AHRR: variants seen among roughly 807,000 people sequenced by gnomAD.
The protein encoded by AHRR is aryl hydrocarbon receptor repressor, also known as ahR repressor.
AHRR carries 28 observed loss-of-function variants against 44.0 expected under a neutral mutation model. The observed-to-expected ratio is 0.64, with a 90% CI of 0.47 to 0.87. The LOEUF (loss-of-function observed/expected upper bound fraction) is 0.87, where lower values mean the gene tolerates loss of function less well. Ranked by LOEUF, AHRR falls within the 40% of genes least tolerant of loss-of-function variation. The probability of loss-of-function intolerance (pLI) is 0.00; values close to 1 mark genes in which losing one functional copy is unlikely to be tolerated. For synonymous variants in AHRR, 434 were observed against 407.0 expected (o/e 1.07, Z -0.80); for missense variants, 990 against 953.9 (o/e 1.04, Z -0.50).
chr5:401,393 C>CA (rs1368054043), intron 4 of AHRR, among the ~76,000 whole-genome samples: 1 of 152,242 alleles, frequency 6.6e-6, no homozygotes, highest in East Asian at 1.9e-4. Context: ...CTGGGTTGCT[C>CA]CCTGTCTGCA....
Position 432,355 on chromosome 5 carries a change from G to C in AHRR, c.909-108G>C, listed in dbSNP as rs191236210. On this transcript the variant is annotated intron_variant, in intron 8 of 10. Coordinates refer to ENST00000684583, the MANE Select transcript of AHRR (RefSeq NM_001377236.1). ...TTGTTTCTGTCTTCACTGCTCAGGTGTGACAGCAATACCTGTCATTATTAA... is the reference window on the plus strand; with the variant it reads ...TTGTTTCTGTCTTCACTGCTCAGGTCTGACAGCAATACCTGTCATTATTAA... 105 of 1,030,796 alleles carry C rather than the reference G, an allele frequency of 1.0e-4. No homozygotes were observed. In the East Asian group the frequency reaches 2.2e-3, roughly 22 times the overall value. 63.9% of individuals were successfully genotyped at this position (1,030,796 alleles called of 1,614,324 possible).
At chr5:346,987 A>G (rs1361501470) in intron 2 of AHRR, among the ~76,000 whole-genome samples, 1 of 152,138 alleles carries the variant, frequency 6.6e-6, no homozygotes, top group African/African-American at 2.4e-5. Flanking sequence ...GAAAACCTAG[A>G]TGTGGAATTG....
rs1734070246 is a variant in AHRR, at chr5:383,712, G to A, written c.351+6996G>A. On this transcript the variant is annotated intron_variant, in intron 4 of 10. Coordinates refer to ENST00000684583, the MANE Select transcript of AHRR (RefSeq NM_001377236.1). The surrounding 1 kb of genome is among the most constrained non-coding windows in gnomAD (Gnocchi z 4.0). ...TGAGTAGCTGGGACTACAAGCATGT[G>A]CCACCATACCCAGCTAATTAAAATT... Among the ~76,000 whole-genome samples the A allele has an allele frequency of 1.3e-5, 2 of 152,048 alleles. No individual in the cohort carries two copies. The highest frequency in any genetic ancestry group is 6.6e-5 in the Admixed American group (1 of 15,252).
chr5:374,080 A>T (rs1743688244), intron 3 of AHRR, among the ~76,000 whole-genome samples: 1 of 151,878 alleles, frequency 6.6e-6, no homozygotes. Flanking sequence ...CCGCTGCGGG[A>T]GCGACCCCTG....
Position 436,550 on chromosome 5 carries a change from A to G in AHRR, c.*1716A>G, listed in dbSNP as rs349583. On this transcript the variant is annotated 3_prime_UTR_variant, in exon 11 of 11. Transcript: ENST00000684583. ...ATAAGGATCTCCTCTCAGTACTGGAAGAGAACAGCCAACCATCTGAGCCCA... is the reference window on the plus strand; with the variant it reads ...ATAAGGATCTCCTCTCAGTACTGGAGGAGAACAGCCAACCATCTGAGCCCA... The G allele has an allele frequency of 0.59, 89,705 of 152,226 alleles. 26,493 individuals carry two copies. The highest frequency in any genetic ancestry group is 0.65 in the South Asian group (3,128 of 4,816). The allele number at this position is 152,226 out of a possible 1,614,324, so 9.4% of individuals were successfully genotyped here. A position where few individuals can be genotyped will look rare whatever the true frequency, so the allele number is the denominator to read the frequency against.
intron 8 of AHRR, among the ~76,000 whole-genome samples, 184 bp downstream of exon 8, chr5:428,190 C>T (rs371173503): frequency 2.6e-5 from 4 of 152,378 alleles, no homozygotes; most frequent in African/African-American, 9.6e-5. Context: ...GTTTTTCAAA[C>T]TCGTATTTGC....
At chr5:323,937 G>A (rs1382616911) in intron 1 of AHRR, among the ~76,000 whole-genome samples, 1 of 151,680 alleles carries the variant, frequency 6.6e-6, no homozygotes, top group Admixed American at 6.6e-5. Context: ...AAGACTTGGC[G>A]GCCCTGAAAC....
chr5:413,506 G>C (rs2261623), intron 5 of AHRR, 73 bp downstream of exon 5: 5 of 1,191,850 alleles, frequency 4.2e-6, no homozygotes, highest in Non-Finnish European at 3.7e-6. Context: ...GTTTGTTGTC[G>C]TCAAGGTTTG....
chr5:427,889 T>A lies in AHRR; in HGVS notation c.791T>A (p.Leu264Gln). 1 of 1,614,150 alleles carries A rather than the reference T, an allele frequency of 6.2e-7. No homozygotes were observed. The highest frequency in any genetic ancestry group is 8.5e-7 in the Non-Finnish European group (1 of 1,180,044). Residue 264 changes from leucine (L) to glutamine (Q), a missense_variant, in exon 8 of 11, where the codon CTG (leucine) becomes CAG (glutamine). Leu to Gln is a moderately radical substitution (Grantham distance 113). Coordinates refer to ENST00000684583, the MANE Select transcript of AHRR (RefSeq NM_001377236.1). ...TCAGGAGCCATGCTCCCGCCGCGGC[T>A]GTCGCTGTTCTGCATTGCGGCACCC... The part of the protein sequence containing the change: ...APSGAMLPPR[L>Q]SLFCIAAPVL...
chr5:399,841 C>T (rs1265867335), intron 4 of AHRR, among the ~76,000 whole-genome samples: 4 of 152,262 alleles, frequency 2.6e-5, no homozygotes, highest in Non-Finnish European at 4.4e-5. Context: ...ATCCGGCCAG[C>T]TGCATTCTCA....
At chr5:359,790 C>G (rs1353874009) in intron 3 of AHRR, among the ~76,000 whole-genome samples, 1 of 152,192 alleles carries the variant, frequency 6.6e-6, no homozygotes, top group Non-Finnish European at 1.5e-5. Flanking sequence ...TTCACCCCAC[C>G]CTAGGTGGGC....
rs1016713815 is a variant in AHRR, at chr5:421,216, T to G, written c.442-1513T>G. ...GGAGGCCCTTGCGGACCCAGCGGCC[T>G]CCTCGTCGGCAACGCCCACCCCGCG... On this transcript the variant is annotated intron_variant, in intron 5 of 10. Coordinates refer to ENST00000684583, the MANE Select transcript of AHRR (RefSeq NM_001377236.1). 8.8e-6 allele frequency: 6 copies of G among 679,368 alleles called. No individual in the cohort carries two copies. In the African/African-American group the frequency reaches 1.1e-4, roughly 13 times the overall value. The allele number at this position is 679,368 out of a possible 1,614,324, so 42.1% of individuals were successfully genotyped here. A position where few individuals can be genotyped will look rare whatever the true frequency, so the allele number is the denominator to read the frequency against.
chr5:354,250 C>T (rs1742964671), intron 3 of AHRR, among the ~76,000 whole-genome samples: 1 of 152,242 alleles, frequency 6.6e-6, no homozygotes, highest in African/African-American at 2.4e-5. Context: ...GCTGTTCCTC[C>T]CCGTGCTGGG....
chr5:349,740 G>A (rs940829942), intron 2 of AHRR, among the ~76,000 whole-genome samples: 14 of 152,274 alleles, frequency 9.2e-5, no homozygotes, highest in African/African-American at 3.1e-4. Context: ...TTTTACAGTA[G>A]TTTAAAGCAC....
At position 437,173 on chromosome 5, in the gene AHRR, A is replaced by C. The variant is rs1737120000; in HGVS notation, c.*2339A>C. 6.6e-6 allele frequency: 1 copy of C among 152,374 alleles called. No homozygotes were observed. Among genetic ancestry groups the C allele is most frequent in the Admixed American group, 6.5e-5 (1 of 15,278 alleles). The allele number at this position is 152,374 out of a possible 1,614,324, so 9.4% of individuals were successfully genotyped here. A position where few individuals can be genotyped will look rare whatever the true frequency, so the allele number is the denominator to read the frequency against. ...AGACCAGCCTGGGCAACACAGGAAG[A>C]ATGTGTCTCTACAAAAAATAATTAA... On this transcript the variant is annotated 3_prime_UTR_variant, in exon 11 of 11. Coordinates refer to ENST00000684583, the MANE Select transcript of AHRR (RefSeq NM_001377236.1).
chr5:376,552 A>ATGAGAACCGGGGGGT, intron 3 of AHRR, 58 bp from the exon 4 acceptor site: 1 of 1,409,242 alleles, frequency 7.1e-7, no homozygotes, highest in Non-Finnish European at 9.6e-7. Flanking sequence ...ATGTGAATGA[A>ATGAGAACCGGGGGGT]GAAGAGTGGC....
chr5:413,406 G>A lies in AHRR; in HGVS notation c.414G>A (p.Thr138=), dbSNP rs188075736. ...GGACGATATTTTATGCATCAGCAAC[G>A]ATCGTGGACTATCTGGGCTTCCATC... ...AEGTIFYASA[T]IVDYLGFHQT... is the part of the protein sequence containing the mutation. Residue 138 remains threonine, a synonymous_variant, in exon 5 of 11, where the codon ACG becomes ACA. Coordinates refer to ENST00000684583, the MANE Select transcript of AHRR (RefSeq NM_001377236.1). 1.3e-3 allele frequency: 2,150 copies of A among 1,613,802 alleles called. 4 individuals carry two copies. The highest frequency in any genetic ancestry group is 1.6e-3 in the Non-Finnish European group (1,913 of 1,179,840).
At chr5:385,298 CCAAA>C (rs1734135097) in intron 4 of AHRR, among the ~76,000 whole-genome samples, 1 of 151,996 alleles carries the variant, frequency 6.6e-6, no homozygotes, top group Non-Finnish European at 1.5e-5. Context: ...CCTCAGCCTC[CCAAA>C]TAATTAGGAC....
chr5:429,808 C>G (rs1437318177), intron 8 of AHRR, among the ~76,000 whole-genome samples: 1 of 152,234 alleles, frequency 6.6e-6, no homozygotes, highest in African/African-American at 2.4e-5. Flanking sequence ...GCTGCACAAA[C>G]CCCACACGGA....
Sources: allele counts gnomAD v4.1 joint callset (sites outside exome capture counted in the v4.1 genomes callset), GRCh38; gene constraint gnomAD v4.1.1; non-coding constraint Gnocchi (gnomAD v3.1); transcripts MANE v1.5; gene names NCBI Gene and HGNC (gene_info 2026-07-23, HGNC 2026-07-21).